CTCF: variants seen among roughly 807,000 people sequenced by gnomAD.
CTCF encodes the protein CCCTC-binding factor, also known as transcriptional repressor CTCF.
CTCF carries 7 observed loss-of-function variants against 72.3 expected under a neutral mutation model. The ratio of observed to expected loss-of-function variants is 0.10; its 90% CI spans 0.06 to 0.18. The LOEUF is 0.18. Among genes scored for constraint, CTCF ranks in the 10% least tolerant of loss-of-function variants. The pLI is 1.00. For synonymous variants in CTCF, 374 were observed against 315.8 expected, an observed-to-expected ratio of 1.18 and a Z score of -1.95; for missense variants, 516 against 949.1, an observed-to-expected ratio of 0.54 and a Z score of 6.00.
intron 7 of CTCF, among the ~76,000 whole-genome samples, chr16:67,624,743 G>A (rs934624840): frequency 3.3e-5 from 5 of 151,196 alleles, no homozygotes; most frequent in African/African-American, 9.7e-5. Flanking sequence ...CACATGCCAC[G>A]ATGACCAGCT....
chr16:67,581,866 C>T, intron 2 of CTCF, among the ~76,000 whole-genome samples: 1 of 152,186 alleles, frequency 6.6e-6, no homozygotes, highest in East Asian at 1.9e-4. Flanking sequence ...TGTTGATCCA[C>T]CTGCCTCAGC....
At chr16:67,576,178 C>T (rs1462629853) in intron 2 of CTCF, among the ~76,000 whole-genome samples, 1 of 148,880 alleles carries the variant, frequency 6.7e-6, no homozygotes, top group Non-Finnish European at 1.5e-5. Context: ...GGCTGTTAAC[C>T]AGCAAAATGC....
At chr16:67,632,192 T>G (rs36008260) in intron 10 of CTCF, among the ~76,000 whole-genome samples, 3,331 of 152,172 alleles carry the variant, frequency 0.022, 51 homozygotes, top group Non-Finnish European at 0.032. Context: ...GGGATCCCTA[T>G]AGTTGTTCTT....
intron 4 of CTCF, chr16:67,614,323 G>T (rs1000727712): frequency 2.7e-5 from 4 of 150,258 alleles, no homozygotes; most frequent in Non-Finnish European, 5.9e-5. Context: ...CTCCAGCCTG[G>T]GCGACAGAGT....
intron 2 of CTCF, among the ~76,000 whole-genome samples, chr16:67,585,736 C>T (rs2051660832): frequency 6.6e-6 from 1 of 152,152 alleles, no homozygotes; most frequent in Non-Finnish European, 1.5e-5. Context: ...AGGTATGATA[C>T]ATAACTCTTC....
At chr16:67,565,785 T>G (rs1567587945) in intron 1 of CTCF, among the ~76,000 whole-genome samples, 8 of 152,116 alleles carry the variant, frequency 5.3e-5, no homozygotes. Flanking sequence ...ATTCAAATTC[T>G]AAGAGCTTTA....
Position 67,637,952 on chromosome 16 carries a change from T to A in CTCF, c.*80T>A. ...CATCTTAATTTTTCTCCCTTCTTTC[T>A]TTTTTTGGCTTTGGGAAAAGCATCA... On this transcript the variant is annotated 3_prime_UTR_variant, in exon 12 of 12. Coordinates refer to ENST00000264010, the MANE Select transcript of CTCF (RefSeq NM_006565.4). 8.0e-7 allele frequency: 1 copy of A among 1,257,174 alleles called. No homozygotes were observed. The highest frequency in any genetic ancestry group is 1.1e-6 in the Non-Finnish European group (1 of 937,378). The allele number at this position is 1,257,174 out of a possible 1,614,324, so 77.9% of individuals were successfully genotyped here.
intron 5 of CTCF, among the ~76,000 whole-genome samples, chr16:67,617,386 C>A (rs185214405): frequency 1.3e-5 from 2 of 152,116 alleles, no homozygotes; most frequent in African/African-American, 4.8e-5. Flanking sequence ...ATAGTCCCAG[C>A]TACTCGGGAG....
At chr16:67,617,957 T>C (rs1005401856) in intron 5 of CTCF, among the ~76,000 whole-genome samples, 1 of 152,216 alleles carries the variant, frequency 6.6e-6, no homozygotes, top group African/African-American at 2.4e-5. Flanking sequence ...ACACAAAGAT[T>C]GTTTATCATT....
At chr16:67,599,452 A>T (rs1181616300) in intron 2 of CTCF, among the ~76,000 whole-genome samples, 2 of 152,130 alleles carry the variant, frequency 1.3e-5, no homozygotes, top group African/African-American at 2.4e-5. Context: ...CCCCCTAAGG[A>T]TACAGGCCTC....
In CTCF at chr16:67,600,872, G is replaced by A. The variant is rs547108009; in HGVS notation, c.-9-9952G>A. ...TGTAAGTAAATTAAAACCGCTTTGA[G>A]TGATATAAACTTCATTTTGGTGGCG... is the stretch of plus-strand genomic sequence containing the variant. On this transcript the variant is annotated intron_variant, in intron 2 of 11. Transcript: ENST00000264010. Among the ~76,000 whole-genome samples the A allele has an allele frequency of 2.6e-5, 4 of 152,214 alleles. No homozygotes were observed. The South Asian group carries it at 6.2e-4, about 24-fold the overall frequency.
At chr16:67,583,201 G>C (rs573195255) in intron 2 of CTCF, among the ~76,000 whole-genome samples, 1 of 151,570 alleles carries the variant, frequency 6.6e-6, no homozygotes, top group African/African-American at 2.4e-5. Context: ...GGCCATGCTG[G>C]TCTCTTAACT....
At chr16:67,590,380 A>G (rs1460782781) in intron 2 of CTCF, among the ~76,000 whole-genome samples, 7 of 152,094 alleles carry the variant, frequency 4.6e-5, no homozygotes, top group African/African-American at 1.7e-4. Context: ...ATGGGAGGGG[A>G]GATTGTTAAC....
intron 2 of CTCF, among the ~76,000 whole-genome samples, chr16:67,573,432 A>AAAAT (rs760499078): frequency 2.0e-4 from 30 of 152,212 alleles, no homozygotes; most frequent in Middle Eastern, 3.4e-3. Flanking sequence ...ACCGTCTCAA[A>AAAAT]AAATAAATAA....
intron 4 of CTCF, chr16:67,614,654 C>T (rs1321723462): frequency 1.3e-5 from 2 of 152,078 alleles, no homozygotes; most frequent in East Asian, 3.9e-4. Context: ...TCAAGACTAG[C>T]CTGACCAACA....
At chr16:67,584,320 CAAA>C (rs1403823144) in intron 2 of CTCF, among the ~76,000 whole-genome samples, 1 of 104,896 alleles carries the variant, frequency 9.5e-6, no homozygotes, top group Non-Finnish European at 2.0e-5. Flanking sequence ...AACTCCTTCT[CAAA>C]AAAAAAAAGT....
At chr16:67,591,695 C>T (rs2051745680) in intron 2 of CTCF, among the ~76,000 whole-genome samples, 2 of 151,708 alleles carry the variant, frequency 1.3e-5, no homozygotes, top group Admixed American at 1.3e-4. Context: ...TTCCTTTCAT[C>T]CTCAGGAAAA....
Position 67,604,421 on chromosome 16 carries a change from C to G in CTCF, c.-9-6403C>G, listed in dbSNP as rs375435601. Among the ~76,000 whole-genome samples the G allele has an allele frequency of 5.9e-5, 9 of 152,258 alleles. No individual in the cohort carries two copies. In the East Asian group the frequency reaches 1.6e-3, roughly 26 times the overall value. On this transcript the variant is annotated intron_variant, in intron 2 of 11. Transcript: ENST00000264010. ...GCAGTGGCGCGATCTTGGCTCATTG[C>G]AAGCTCCACCTCCCAGGTTCACACC...
chr16:67,632,474 G>T (rs1278107321), intron 10 of CTCF, among the ~76,000 whole-genome samples: 2 of 152,200 alleles, frequency 1.3e-5, no homozygotes, highest in African/African-American at 4.8e-5. Flanking sequence ...AGGGACGTCA[G>T]CCTGGGCTCC....
Sources: gnomAD v4.1 joint callset for allele counts (sites outside exome capture counted in the v4.1 genomes callset) on GRCh38, gnomAD v4.1.1 for gene constraint, MANE v1.5 for transcripts, NCBI Gene and HGNC (gene_info 2026-07-23, HGNC 2026-07-21) for gene names.